Variants in ABCC2 observed in about 807,000 individuals in gnomAD.
ABCC2 encodes ATP-binding cassette sub-family C member 2.
A neutral mutation model predicts 173.4 loss-of-function variants in ABCC2; 157 were observed. The ratio of observed to expected loss-of-function variants is 0.91; its 90% CI spans 0.80 to 1.03. ABCC2 has a LOEUF of 1.03. Among genes scored for constraint, ABCC2 ranks in the 50% least tolerant of loss-of-function variants. ABCC2 has a pLI of 0.00. For synonymous variants in ABCC2, 657 were observed against 693.5 expected (o/e 0.95, Z 0.83); for missense variants, 1,822 against 1,852.3 (o/e 0.98, Z 0.30).
chr10:99,826,366 C>T (rs374769386), intron 19 of ABCC2, among the ~76,000 whole-genome samples: 1 of 151,028 alleles, frequency 6.6e-6, no homozygotes, highest in Non-Finnish European at 1.5e-5. Context: ...TCAGGATTGG[C>T]GTTTTCATAT....
At chr10:99,804,905 T>TG (rs1656538042) in intron 10 of ABCC2, among the ~76,000 whole-genome samples, 1 of 152,086 alleles carries the variant, frequency 6.6e-6, no homozygotes, top group South Asian at 2.1e-4. Context: ...CCTGGTAGGG[T>TG]GGTGGAGAGA....
intron 19 of ABCC2, among the ~76,000 whole-genome samples, chr10:99,829,748 TC>T (rs1354390268): frequency 6.6e-6 from 1 of 152,118 alleles, no homozygotes. Context: ...CACCTCAGCC[TC>T]CCAAGTAGCT....
chr10:99,819,522 A>C (rs2038492740), intron 19 of ABCC2, among the ~76,000 whole-genome samples: 1 of 152,206 alleles, frequency 6.6e-6, no homozygotes, highest in African/African-American at 2.4e-5. Context: ...ACTCTTTAGA[A>C]GGGTACAACT....
chr10:99,850,901 C>A, intron 31 of ABCC2, 105 bp downstream of exon 31: 1 of 1,340,752 alleles, frequency 7.5e-7, no homozygotes, highest in Non-Finnish European at 1.1e-6. Flanking sequence ...ACCACCACCA[C>A]ATTACTGATG....
intron 2 of ABCC2, among the ~76,000 whole-genome samples, chr10:99,785,393 G>T (rs1015169000): frequency 1.3e-5 from 2 of 152,180 alleles, no homozygotes; most frequent in African/African-American, 4.8e-5. Flanking sequence ...TCAGCCAGCT[G>T]CACCAACTCA....
intron 7 of ABCC2, among the ~76,000 whole-genome samples, chr10:99,798,570 T>C (rs2037960864): frequency 6.6e-6 from 1 of 152,182 alleles, no homozygotes; most frequent in South Asian, 2.1e-4. Flanking sequence ...TTCCACCTTC[T>C]AGTGTTCCCC....
Position 99,808,119 on chromosome 10 carries a change from G to A in ABCC2, c.1705G>A (p.Asp569Asn). The change falls in exon 13 of 32, where the codon GAT (aspartate) becomes AAT (asparagine). Residue 569 changes from aspartate to asparagine, a missense_variant. Transcript: ENST00000647814. ...CACATTTTCTGTTTATGTCCTGGTGGATAGCAACAATATTTTGGATGCACA... is the reference window on the plus strand; with the variant it reads ...CACATTTTCTGTTTATGTCCTGGTGAATAGCAACAATATTTTGGATGCACA... ...VVTFSVYVLV[D>N]SNNILDAQKA... The A allele has an allele frequency of 1.2e-6, 2 of 1,614,030 alleles. No individual in the cohort carries two copies. Among genetic ancestry groups the A allele is most frequent in the African/African-American group, 1.3e-5 (1 of 74,974 alleles).
chr10:99,811,708 A>C, intron 15 of ABCC2, 106 bp downstream of exon 15: 1 of 1,302,766 alleles, frequency 7.7e-7, no homozygotes, highest in Non-Finnish European at 1.1e-6. Flanking sequence ...AGCTATGTGC[A>C]TGTCTTCGGT....
intron 6 of ABCC2, among the ~76,000 whole-genome samples, chr10:99,795,435 A>C (rs2037883756): frequency 6.6e-6 from 1 of 152,178 alleles, no homozygotes; most frequent in Admixed American, 6.6e-5. Context: ...ATGGTAGCTC[A>C]TGCCTGTAAT....
At chr10:99,788,135 G>C (rs1370322536) in intron 2 of ABCC2, among the ~76,000 whole-genome samples, 3 of 152,012 alleles carry the variant, frequency 2.0e-5, no homozygotes, top group Non-Finnish European at 4.4e-5. Flanking sequence ...GTCTTAGTTG[G>C]CAACCATTGA....
At position 99,814,113 on chromosome 10, in the gene ABCC2, GTATATACACACATATGTGTGTA is replaced by G. The variant is rs1165595520; in HGVS notation, c.2094+983_2094+1004del. 6.6e-5 allele frequency among the ~76,000 whole-genome samples: 7 copies of G among 105,362 alleles called. 2 individuals carry two copies. Among genetic ancestry groups the G allele is most frequent in the Admixed American group, 4.7e-4 (5 of 10,532 alleles). 69.1% of individuals were successfully genotyped at this position (105,362 alleles called of 152,430 possible). A position where few individuals can be genotyped will look rare whatever the true frequency, so the allele number is the denominator to read the frequency against. Reference sequence around the variant, plus strand: ...TACACATATATATACACACATATGTGTATATACACACATATGTGTGTATATATACACACATGTATGTATACAC... The same window carrying G: ...TACACATATATATACACACATATGTGTATATACACACATGTATGTATACAC... On this transcript the variant is annotated intron_variant, in intron 16 of 31. Coordinates refer to ENST00000647814, the MANE Select transcript of ABCC2 (RefSeq NM_000392.5).
rs752352920 is a variant in ABCC2, at chr10:99,807,482, G to A, written c.1629G>A (p.Gln543=). ...ACCTGCTGGCCTTTAGTCAACTACA[G>A]TGTGTAGTAATATTCGTCTTCCAGT... ...LKNLLAFSQL[Q]CVVIFVFQLT... Residue 543 remains glutamine, a synonymous_variant, in exon 12 of 32, where the codon CAG becomes CAA. Transcript: ENST00000647814. The A allele has an allele frequency of 1.2e-6, 2 of 1,613,984 alleles. No individual in the cohort carries two copies. Among genetic ancestry groups the A allele is most frequent in the East Asian group, 2.2e-5 (1 of 44,888 alleles).
chr10:99,828,883 T>A (rs1303924411), intron 19 of ABCC2, among the ~76,000 whole-genome samples: 1 of 151,810 alleles, frequency 6.6e-6, no homozygotes, highest in Non-Finnish European at 1.5e-5. Context: ...AGTGAAAGAT[T>A]AGAGCCCTCT....
intron 18 of ABCC2, 39 bp downstream of exon 18, chr10:99,818,996 G>A (rs1477860362): frequency 1.2e-6 from 2 of 1,612,928 alleles, no homozygotes; most frequent in Non-Finnish European, 1.7e-6. Flanking sequence ...ATAAAGGTGG[G>A]GTGGGAGGGA....
chr10:99,805,255 C>A, intron 10 of ABCC2, 127 bp from the exon 11 acceptor site: 2 of 761,698 alleles, frequency 2.6e-6, no homozygotes, highest in Non-Finnish European at 2.3e-6. Flanking sequence ...TGAATCCCAT[C>A]ACTGGGCACC....
At chr10:99,804,705 G>A (rs1590154489) in intron 10 of ABCC2, among the ~76,000 whole-genome samples, 1 of 152,194 alleles carries the variant, frequency 6.6e-6, no homozygotes, top group African/African-American at 2.4e-5. Flanking sequence ...GCTCCGTGTG[G>A]ACAGTGTCCT....
Position 99,835,262 on chromosome 10 carries a change from C to T in ABCC2, c.3414+727C>T, listed in dbSNP as rs77649869. ...GCCTTGTGGCCTGCGATTGGCGGCTCGCCCCCATGTCCGTGTACAGTTCCT... is the reference window on the plus strand; with the variant it reads ...GCCTTGTGGCCTGCGATTGGCGGCTTGCCCCCATGTCCGTGTACAGTTCCT... On this transcript the variant is annotated intron_variant, in intron 24 of 31. Coordinates refer to ENST00000647814, the MANE Select transcript of ABCC2 (RefSeq NM_000392.5). 6.0e-3 allele frequency among the ~76,000 whole-genome samples: 920 copies of T among 152,286 alleles called. 10 individuals are homozygous for T. The highest frequency in any genetic ancestry group is 0.021 in the African/African-American group (858 of 41,542).
At chr10:99,810,353 A>G in intron 14 of ABCC2, 135 bp downstream of exon 14, 1 of 731,696 alleles carries the variant, frequency 1.4e-6, no homozygotes, top group Non-Finnish European at 2.4e-6. Flanking sequence ...TGCATAAGAT[A>G]CAAACTGTTC....
intron 14 of ABCC2, 152 bp from the exon 15 acceptor site, chr10:99,811,384 C>A: frequency 1.3e-6 from 1 of 758,676 alleles, no homozygotes; most frequent in South Asian, 1.5e-5. Context: ...TGGTCTCATT[C>A]TAGGAGATTT....
Sources: gnomAD v4.1 joint callset for allele counts (sites outside exome capture counted in the v4.1 genomes callset) on GRCh38, gnomAD v4.1.1 for gene constraint, MANE v1.5 for transcripts, NCBI Gene and HGNC (gene_info 2026-07-23, HGNC 2026-07-21) for gene names.